Variants in GLYATL2 observed in about 807,000 individuals in gnomAD.
The protein encoded by GLYATL2 is glycine N-acyltransferase-like protein 2.
A neutral mutation model predicts 21.4 loss-of-function variants in GLYATL2; 25 were observed. That is an observed-to-expected ratio of 1.17 (90% CI 0.85 to 1.63). The LOEUF is 1.63. Among genes scored for constraint, GLYATL2 ranks in the 40% most tolerant of loss-of-function variants. The pLI, the probability that GLYATL2 is intolerant of heterozygous loss-of-function variation, is 0.00. For missense variants in GLYATL2, 361 were observed against 343.3 expected, an observed-to-expected ratio of 1.05 and a Z score of -0.41; for synonymous variants, 114 against 118.2, an observed-to-expected ratio of 0.96 and a Z score of 0.23.
At chr11:58,842,040 T>G (rs1193816816) in intron 1 of GLYATL2, among the ~76,000 whole-genome samples, 1 of 152,202 alleles carries the variant, frequency 6.6e-6, no homozygotes. Context: ...GAGTTAAGCA[T>G]ACCTATACTA....
chr11:58,887,015 T>C (rs1298389405), intron 1 of GLYATL2, among the ~76,000 whole-genome samples: 1 of 152,264 alleles, frequency 6.6e-6, no homozygotes, highest in Admixed American at 6.5e-5. Flanking sequence ...TAATGCTTAG[T>C]TTATTTAATC....
Position 58,897,579 on chromosome 11 carries a change from GCA to G in GLYATL2, n.60+6575_60+6576del, listed in dbSNP as rs371414233. ...CACGGACGCACACACACACATAAAT[GCA>G]CACACACACACATCCTCCTGCTATC... On this transcript the variant is annotated intron_variant and non_coding_transcript_variant, in intron 1 of 4. Coordinates refer to the GLYATL2 transcript ENST00000533636. 1.7e-4 allele frequency among the ~76,000 whole-genome samples: 25 copies of G among 151,126 alleles called. 1 individual carries two copies. Among genetic ancestry groups the G allele is most frequent in the South Asian group, 4.2e-4 (2 of 4,758 alleles).
chr11:58,837,359 G>A lies in GLYATL2; in HGVS notation c.225C>T (p.Tyr75=), dbSNP rs754224500. 4 of 1,613,316 alleles carry A rather than the reference G, an allele frequency of 2.5e-6. No individual in the cohort carries two copies. The South Asian group carries it at 4.4e-5, about 18-fold the overall frequency. ...KDDQDHYTNT[Y]HIFTKAPDKL... ...TGTCAGGAGCTTTGGTGAAGATGTGGTAAGTGTTGGTATAATGATCCTGGT... is the reference window on the plus strand; with the variant it reads ...TGTCAGGAGCTTTGGTGAAGATGTGATAAGTGTTGGTATAATGATCCTGGT... The change falls in exon 4 of 6, where the codon TAC becomes TAT. Residue 75 remains tyrosine, a synonymous_variant. Transcript: ENST00000287275.
At chr11:58,887,148 C>T (rs2134618256) in intron 1 of GLYATL2, among the ~76,000 whole-genome samples, 1 of 152,254 alleles carries the variant, frequency 6.6e-6, no homozygotes, top group Non-Finnish European at 1.5e-5. Flanking sequence ...AGCACCAAAC[C>T]ATAACTTCAC....
intron 1 of GLYATL2, among the ~76,000 whole-genome samples, chr11:58,884,537 TGAAA>T (rs1854401749): frequency 6.6e-6 from 1 of 152,234 alleles, no homozygotes; most frequent in Non-Finnish European, 1.5e-5. Context: ...CTATTCTAGA[TGAAA>T]GAATACTTCT....
At chr11:58,863,005 C>G (rs1228333768) in intron 1 of GLYATL2, among the ~76,000 whole-genome samples, 1 of 152,218 alleles carries the variant, frequency 6.6e-6, no homozygotes, top group African/African-American at 2.4e-5. Context: ...CTGTTGTGGT[C>G]TGCAGGTGAA....
In GLYATL2 at chr11:58,894,476, C is replaced by CCAA. The variant is rs5792135; in HGVS notation, n.60+9679_60+9680insTTG. The stretch of plus-strand genomic sequence containing the variant: ...ATTACTGTGAACATTGCAGCTATAG[C>CCAA]AAAAAAAAAAAAAAAAAGCATTTTC... On this transcript the variant is annotated intron_variant and non_coding_transcript_variant, in intron 1 of 4. Transcript: ENST00000533636. Among the ~76,000 whole-genome samples, 181 of 116,552 alleles carry CCAA rather than the reference C, an allele frequency of 1.6e-3. 75 individuals carry two copies. Among genetic ancestry groups the CCAA allele is most frequent in the Non-Finnish European group, 2.0e-3 (116 of 57,918 alleles). 76.5% of individuals were successfully genotyped at this position (116,552 alleles called of 152,430 possible).
chr11:58,880,972 A>G (rs678727), intron 1 of GLYATL2, among the ~76,000 whole-genome samples: 131,644 of 152,218 alleles, frequency 0.86, 58,294 homozygotes, highest in Non-Finnish European at 0.96. Context: ...CTAATTTGCT[A>G]ATGATTGTTT....
At chr11:58,898,468 C>T (rs530713114) in intron 1 of GLYATL2, among the ~76,000 whole-genome samples, 1 of 136,552 alleles carries the variant, frequency 7.3e-6, no homozygotes, top group Non-Finnish European at 1.6e-5. Context: ...GTTTTTAACT[C>T]ACTATTGTTT....
At chr11:58,907,526 C>T (rs1180758180), upstream of GLYATL2, 11 of 368,146 alleles carry the variant, frequency 3.0e-5, no homozygotes, top group Non-Finnish European at 5.9e-5. Flanking sequence ...AATCCAGTCC[C>T]TGTTACTCCA....
chr11:58,877,552 C>A (rs1488159082), intron 1 of GLYATL2, among the ~76,000 whole-genome samples: 1 of 152,098 alleles, frequency 6.6e-6, no homozygotes, highest in African/African-American at 2.4e-5. Context: ...AAAGAAGGGT[C>A]CACAGAGGAG....
chr11:58,849,363 A>C (rs116538058), upstream of GLYATL2, among the ~76,000 whole-genome samples: 1,911 of 152,170 alleles, frequency 0.013, 43 homozygotes, highest in African/African-American at 0.044. Context: ...CAAGCAATCC[A>C]CCTACCTTGG....
chr11:58,835,777 C>A (rs1369726977), intron 5 of GLYATL2, among the ~76,000 whole-genome samples: 1 of 152,128 alleles, frequency 6.6e-6, no homozygotes, highest in Non-Finnish European at 1.5e-5. Flanking sequence ...ACCAAGATAT[C>A]CATGTAGGCT....
intron 1 of GLYATL2, among the ~76,000 whole-genome samples, chr11:58,859,107 G>A (rs551419317): frequency 6.8e-4 from 104 of 152,260 alleles, no homozygotes; most frequent in African/African-American, 2.5e-3. Context: ...TGGAGAAAAT[G>A]TACTGCAATC....
At chr11:58,875,788 G>C (rs1854218925) in intron 1 of GLYATL2, among the ~76,000 whole-genome samples, 1 of 152,124 alleles carries the variant, frequency 6.6e-6, no homozygotes, top group Non-Finnish European at 1.5e-5. Context: ...TCTTCTCGAG[G>C]AGTATATTTG....
chr11:58,878,468 G>A (rs765523673), intron 1 of GLYATL2: 29 of 254,534 alleles, frequency 1.1e-4, no homozygotes, highest in Non-Finnish European at 2.0e-4. Flanking sequence ...ATCGAAACTG[G>A]GTTTGGAGTT....
At chr11:58,873,644 T>G (rs1260340081) in intron 1 of GLYATL2, among the ~76,000 whole-genome samples, 1 of 152,228 alleles carries the variant, frequency 6.6e-6, no homozygotes, top group Non-Finnish European at 1.5e-5. Flanking sequence ...GCCCACTTGA[T>G]CATGGTGGAT....
At chr11:58,859,265 TC>T (rs1281084439) in intron 1 of GLYATL2, among the ~76,000 whole-genome samples, 1 of 152,014 alleles carries the variant, frequency 6.6e-6, no homozygotes, top group Non-Finnish European at 1.5e-5. Context: ...CTGCCTCCAT[TC>T]CACACTACCC....
intron 1 of GLYATL2, among the ~76,000 whole-genome samples, chr11:58,873,633 A>G (rs1386282609): frequency 1.3e-5 from 2 of 152,208 alleles, no homozygotes; most frequent in Non-Finnish European, 2.9e-5. Context: ...CCAGGGATGA[A>G]GCCCACTTGA....
Sources: gnomAD v4.1 joint callset for allele counts (sites outside exome capture counted in the v4.1 genomes callset) on GRCh38, gnomAD v4.1.1 for gene constraint, MANE v1.5 for transcripts, NCBI Gene and HGNC (gene_info 2026-07-23, HGNC 2026-07-21) for gene names.